The following PLXNA2 variants were observed in gnomAD, a reference collection of about 807,000 sequenced individuals.
PLXNA2 encodes the protein plexin A2.
In PLXNA2, 91 loss-of-function variants were observed where a neutral mutation model predicts 193.5. That is an observed-to-expected ratio of 0.47 (90% CI 0.40 to 0.56). The LOEUF is 0.56. Ranked by LOEUF, PLXNA2 falls within the 20% of genes least tolerant of loss-of-function variation. The pLI is 0.00. For missense variants in PLXNA2, 1,995 were observed against 2,503.2 expected (o/e 0.80, Z 4.33); for synonymous variants, 997 against 1,027.3 (o/e 0.97, Z 0.56).
rs562783021 is a variant in PLXNA2 at position 208,112,532 on chromosome 1, A to G, written c.1507-9285T>C. The stretch of plus-strand genomic sequence containing the variant: ...CACACAGCTGGTGCTCAATAGTGGT[A>G]GTTACCATGCTCAGTGTCTAGATGC... On this transcript the variant is annotated intron_variant, in intron 4 of 31. Transcript: ENST00000367033. Among the ~76,000 whole-genome samples, 3 of 152,332 alleles carry G rather than the reference A, an allele frequency of 2.0e-5. No individual in the cohort carries two copies. In the East Asian group the frequency reaches 5.8e-4, roughly 29 times the overall value.
At chr1:208,095,158 C>T (rs1411799940) in intron 8 of PLXNA2, among the ~76,000 whole-genome samples, 1 of 152,156 alleles carries the variant, frequency 6.6e-6, no homozygotes, top group Non-Finnish European at 1.5e-5. Flanking sequence ...GTCCTATGAC[C>T]CTTATGTGGC....
At position 208,198,940 on chromosome 1, in the gene PLXNA2, T is replaced by G. The variant is rs187862860; in HGVS notation, c.1371+11340A>C. Among the ~76,000 whole-genome samples the G allele has an allele frequency of 2.8e-4, 42 of 152,348 alleles. No individual in the cohort carries two copies. In the East Asian group the frequency reaches 7.5e-3, roughly 27 times the overall value. Reference sequence around the variant, plus strand: ...GTTATATGTAAAATGGAAACAAGACTAATGATTTTTACAATTTGCAAGGGT... The same window carrying G: ...GTTATATGTAAAATGGAAACAAGACGAATGATTTTTACAATTTGCAAGGGT... On this transcript the variant is annotated intron_variant, in intron 3 of 31. Coordinates refer to ENST00000367033, the MANE Select transcript of PLXNA2 (RefSeq NM_025179.4).
intron 1 of PLXNA2, among the ~76,000 whole-genome samples, chr1:208,243,135 C>A (rs1167128312): frequency 6.6e-6 from 1 of 152,176 alleles, no homozygotes; most frequent in Non-Finnish European, 1.5e-5. Context: ...TTCCCCTGAT[C>A]TCCAGTCCCC....
chr1:208,095,575 C>T (rs1478750258), intron 8 of PLXNA2, among the ~76,000 whole-genome samples: 2 of 152,146 alleles, frequency 1.3e-5, no homozygotes, highest in East Asian at 1.9e-4. Flanking sequence ...AGGCTACTTT[C>T]CCCCTTCCCT....
At position 208,045,206 on chromosome 1, in the gene PLXNA2, T is replaced by C; in HGVS notation, c.3500A>G (p.Lys1167Arg). 6.2e-7 allele frequency: 1 copy of C among 1,614,026 alleles called. No homozygotes were observed. The change falls in exon 19 of 32, where the codon AAA becomes AGA. Residue 1167 changes from lysine (K) to arginine (R), a missense_variant. By Grantham distance (26) the Lys-to-Arg change is conservative. Coordinates refer to ENST00000367033, the MANE Select transcript of PLXNA2 (RefSeq NM_025179.4). ...TCCAGAGGCAGGAGGGCAGAGGTTT[T>C]TGCCCTGTAGAGAATAGCAGTCTTT... ...KPGSPIILKGKNLCPPASGGA... is the reference protein window; with the variant it reads ...KPGSPIILKGRNLCPPASGGA...
intron 3 of PLXNA2, among the ~76,000 whole-genome samples, chr1:208,189,047 C>T (rs143678173): frequency 6.6e-6 from 1 of 152,246 alleles, no homozygotes; most frequent in African/African-American, 2.4e-5. Context: ...CTAACCATTC[C>T]AAAACATTCT....
chr1:208,138,293 T>G (rs1221007632), intron 4 of PLXNA2, among the ~76,000 whole-genome samples: 2 of 152,210 alleles, frequency 1.3e-5, no homozygotes, highest in Non-Finnish European at 2.9e-5. Context: ...AACACTTAAT[T>G]ATAAAGTTGG....
At chr1:208,214,391 T>C (rs986393503) in intron 2 of PLXNA2, among the ~76,000 whole-genome samples, 3 of 152,224 alleles carry the variant, frequency 2.0e-5, no homozygotes, top group African/African-American at 7.2e-5. Flanking sequence ...GGTACATAAC[T>C]TGCCCAAAGT....
At chr1:208,134,571 C>T (rs1024535905) in intron 4 of PLXNA2, among the ~76,000 whole-genome samples, 6 of 152,236 alleles carry the variant, frequency 3.9e-5, no homozygotes, top group South Asian at 4.2e-4. Flanking sequence ...TTTCCTAATC[C>T]GCAAACTCTG....
chr1:208,115,063 C>T (rs370261442), intron 4 of PLXNA2, among the ~76,000 whole-genome samples: 2 of 152,180 alleles, frequency 1.3e-5, no homozygotes, highest in African/African-American at 2.4e-5. Context: ...AGCTCCTAGG[C>T]TTTGCTGGAT....
At chr1:208,234,524 C>A (rs1671792342) in intron 1 of PLXNA2, among the ~76,000 whole-genome samples, 1 of 152,166 alleles carries the variant, frequency 6.6e-6, no homozygotes, top group Non-Finnish European at 1.5e-5. Context: ...TCTTGGCCTA[C>A]TAGAAGACAG....
At chr1:208,200,694 C>T (rs530792333) in intron 3 of PLXNA2, among the ~76,000 whole-genome samples, 24 of 149,598 alleles carry the variant, frequency 1.6e-4, no homozygotes, top group South Asian at 2.1e-4. Context: ...CGGCTTCAAG[C>T]GATTCTCCTG....
chr1:208,189,507 A>G (rs1267182446), intron 3 of PLXNA2, among the ~76,000 whole-genome samples: 1 of 126,866 alleles, frequency 7.9e-6, no homozygotes, highest in African/African-American at 3.0e-5. Flanking sequence ...GAAGAGATAA[A>G]GAGAAAAAAA....
intron 3 of PLXNA2, among the ~76,000 whole-genome samples, chr1:208,158,515 A>G (rs2102510081): frequency 6.6e-6 from 1 of 152,276 alleles, no homozygotes; most frequent in South Asian, 2.1e-4. Context: ...TGGGGGCTCT[A>G]CCACCTCCCA....
intron 3 of PLXNA2, among the ~76,000 whole-genome samples, chr1:208,201,830 T>G (rs1213202122): frequency 3.3e-5 from 5 of 152,184 alleles, no homozygotes; most frequent in African/African-American, 4.8e-5. Flanking sequence ...GCCCAAGCTC[T>G]GCACTCCATC....
intron 12 of PLXNA2, among the ~76,000 whole-genome samples, chr1:208,067,960 T>A (rs1665851235): frequency 6.6e-6 from 1 of 152,122 alleles, no homozygotes; most frequent in Non-Finnish European, 1.5e-5. Context: ...TCCTCAAGTC[T>A]CTACTCAAAA....
intron 3 of PLXNA2, among the ~76,000 whole-genome samples, chr1:208,164,829 G>T (rs553777830): frequency 6.6e-6 from 1 of 152,176 alleles, no homozygotes; most frequent in Non-Finnish European, 1.5e-5. Context: ...TGACTCTAGC[G>T]GCACTAACGG....
intron 22 of PLXNA2, among the ~76,000 whole-genome samples, chr1:208,041,551 A>C (rs1312206208): frequency 2.0e-5 from 3 of 152,188 alleles, no homozygotes; most frequent in African/African-American, 7.2e-5. Flanking sequence ...AATGTTCTCT[A>C]TCTGTGCGGT....
chr1:208,160,598 A>G (rs1466739792), intron 3 of PLXNA2, among the ~76,000 whole-genome samples: 4 of 152,216 alleles, frequency 2.6e-5, no homozygotes, highest in Non-Finnish European at 4.4e-5. Context: ...TTTATCCCCA[A>G]TCTGCAGACA....
Sources: allele counts gnomAD v4.1 joint callset (sites outside exome capture counted in the v4.1 genomes callset), GRCh38; gene constraint gnomAD v4.1.1; transcripts MANE v1.5; gene names NCBI Gene and HGNC (gene_info 2026-07-23, HGNC 2026-07-21).